ZDHHC7: variants seen among roughly 807,000 people sequenced by gnomAD.
ZDHHC7 encodes the protein palmitoyltransferase ZDHHC7.
In ZDHHC7, 12 loss-of-function variants were observed where a neutral mutation model predicts 34.1. The observed-to-expected ratio is 0.35, with a 90% CI of 0.23 to 0.57. The LOEUF (loss-of-function observed/expected upper bound fraction) is 0.57, where lower values mean the gene tolerates loss of function less well. Ranked by LOEUF, ZDHHC7 falls within the 20% of genes least tolerant of loss-of-function variation. The pLI is 0.84. For missense variants in ZDHHC7, 388 were observed against 402.7 expected (o/e 0.96, Z 0.31); for synonymous variants, 185 against 155.4 (o/e 1.19, Z -1.42).
intron 3 of ZDHHC7, among the ~76,000 whole-genome samples, chr16:84,982,490 G>C (rs2072383702): frequency 6.6e-6 from 1 of 152,196 alleles, no homozygotes; most frequent in East Asian, 1.9e-4. Flanking sequence ...GTCCCCAGGT[G>C]GGGCAGGGAA....
At chr16:85,019,578 G>A in the ZDHHC7 span, among the ~76,000 whole-genome samples, 2 of 152,112 alleles carry the variant, frequency 1.3e-5, no homozygotes, top group African/African-American at 4.8e-5. Context: ...ATAGCCGGGC[G>A]TGGTGGCAGG....
chr16:84,985,666 T>A (rs1329458107), intron 3 of ZDHHC7, among the ~76,000 whole-genome samples: 2 of 151,944 alleles, frequency 1.3e-5, no homozygotes, highest in African/African-American at 4.8e-5. Context: ...ATAAAAGAAT[T>A]GAGACAGGCC....
rs1172040962 is a variant in ZDHHC7 at position 84,974,525 on chromosome 16, G to C, written c.*1818C>G. 6.6e-6 allele frequency: 1 copy of C among 152,588 alleles called. No homozygotes were observed. The highest frequency in any genetic ancestry group is 1.9e-4 in the East Asian group (1 of 5,200). The allele number at this position is 152,588 out of a possible 1,614,324, so 9.5% of individuals were successfully genotyped here. A position where few individuals can be genotyped will look rare whatever the true frequency, so the allele number is the denominator to read the frequency against. ...TTACATTGAAAGAAGAGGTTGAAAA[G>C]TCAAGTATACTTGATTTGCACACAC... On this transcript the variant is annotated 3_prime_UTR_variant, in exon 8 of 8. Coordinates refer to ENST00000313732, the MANE Select transcript of ZDHHC7 (RefSeq NM_017740.3).
At chr16:84,995,126 T>C (rs1597551131) in intron 2 of ZDHHC7, among the ~76,000 whole-genome samples, 1 of 152,182 alleles carries the variant, frequency 6.6e-6, no homozygotes, top group African/African-American at 2.4e-5. Context: ...TCAAGACAGT[T>C]TCTGAGGGAA....
chr16:84,998,288 C>T (rs1206467338), intron 1 of ZDHHC7, among the ~76,000 whole-genome samples: 2 of 151,054 alleles, frequency 1.3e-5, no homozygotes, highest in African/African-American at 4.9e-5. Flanking sequence ...ATTAGAAGAT[C>T]GGGTCAGGAG....
intron 1 of ZDHHC7, among the ~76,000 whole-genome samples, chr16:85,000,333 AC>A (rs2072637774): frequency 6.6e-6 from 1 of 152,068 alleles, no homozygotes; most frequent in East Asian, 1.9e-4. Context: ...CTGAGTCCAG[AC>A]CCTGTCTTGG....
chr16:84,981,250 C>T (rs544103501), intron 4 of ZDHHC7, among the ~76,000 whole-genome samples: 1 of 152,106 alleles, frequency 6.6e-6, no homozygotes, highest in Non-Finnish European at 1.5e-5. Context: ...GTGTGAGGGC[C>T]AGGAAGGCTA....
intron 1 of ZDHHC7, among the ~76,000 whole-genome samples, chr16:85,006,504 AGGAGTTCAAGACCAGCCTGAGCAACAT>A (rs1221254972): frequency 1.1e-3 from 160 of 152,208 alleles, no homozygotes; most frequent in Non-Finnish European, 1.5e-4. Context: ...ATTTGATCTC[AGGAGTTCAAGACCAGCCTGAGCAACAT>A]GGAGTTCAAG....
intron 7 of ZDHHC7, among the ~76,000 whole-genome samples, chr16:84,976,763 C>G (rs1413984610): frequency 6.6e-6 from 1 of 152,236 alleles, no homozygotes; most frequent in Non-Finnish European, 1.5e-5. Flanking sequence ...ACATTTGTCG[C>G]TCGTTAGTTA....
the ZDHHC7 span, among the ~76,000 whole-genome samples, chr16:85,021,042 C>T: frequency 6.6e-6 from 1 of 151,632 alleles, no homozygotes; most frequent in African/African-American, 2.4e-5. Flanking sequence ...GAGGTCAAGG[C>T]TGCAGTAAGC....
At chr16:84,990,707 C>T (rs2072498921) in intron 2 of ZDHHC7, 72 bp from the exon 3 acceptor site, 1 of 1,312,970 alleles carries the variant, frequency 7.6e-7, no homozygotes, top group Non-Finnish European at 1.0e-6. Context: ...TGATGTGTTA[C>T]AGTTTGTCCT....
intron 4 of ZDHHC7, among the ~76,000 whole-genome samples, chr16:84,980,760 C>T (rs540996635): frequency 3.7e-4 from 56 of 152,290 alleles, no homozygotes; most frequent in South Asian, 1.5e-3. Flanking sequence ...AGTTGTGAGA[C>T]CATCACCATC....
chr16:85,015,294 T>C (rs1161229504), upstream of ZDHHC7, among the ~76,000 whole-genome samples: 1 of 151,558 alleles, frequency 6.6e-6, no homozygotes, highest in African/African-American at 2.4e-5. Context: ...AGAGACGAGG[T>C]TTCATCATGT....
rs2072292115 is a variant in ZDHHC7, at chr16:84,976,013, T to C, written c.*330A>G. 2 of 277,362 alleles carry C rather than the reference T, an allele frequency of 7.2e-6. No homozygotes were observed. Among genetic ancestry groups the C allele is most frequent in the Non-Finnish European group, 6.8e-6 (1 of 147,978 alleles). 17.2% of individuals were successfully genotyped at this position (277,362 alleles called of 1,614,324 possible). On this transcript the variant is annotated 3_prime_UTR_variant, in exon 8 of 8. Transcript: ENST00000313732. ...TCACTGGATTCACTGTTTTTCTTCA[T>C]GATTGGAAACAGCAGCTCAGGACCC...
chr16:85,010,835 G>A (rs748523613), intron 1 of ZDHHC7, among the ~76,000 whole-genome samples: 3 of 152,184 alleles, frequency 2.0e-5, no homozygotes, highest in African/African-American at 7.2e-5. Flanking sequence ...TAGGAAGATG[G>A]GCAGAGAATA....
At chr16:84,994,707 C>T (rs200242522) in intron 2 of ZDHHC7, among the ~76,000 whole-genome samples, 1 of 152,126 alleles carries the variant, frequency 6.6e-6, no homozygotes, top group East Asian at 1.9e-4. Flanking sequence ...AAACACTGGC[C>T]ATGGCAGGAC....
chr16:85,003,343 G>C (rs976745084), intron 1 of ZDHHC7, among the ~76,000 whole-genome samples: 3 of 152,222 alleles, frequency 2.0e-5, no homozygotes, highest in African/African-American at 7.2e-5. Flanking sequence ...GCCCGGATGA[G>C]TCAGGGAACC....
At chr16:84,990,996 C>G (rs1374873710) in intron 2 of ZDHHC7, among the ~76,000 whole-genome samples, 2 of 152,192 alleles carry the variant, frequency 1.3e-5, no homozygotes, top group East Asian at 3.9e-4. Flanking sequence ...CGCCTGCTCC[C>G]CTGAGCCCCA....
intron 1 of ZDHHC7, among the ~76,000 whole-genome samples, chr16:85,008,751 GAA>G (rs34299642): frequency 6.8e-5 from 10 of 146,974 alleles, no homozygotes; most frequent in African/African-American, 1.0e-4. Context: ...AGGGTTTGAA[GAA>G]AAAAAAAAAG....
Sources: allele counts gnomAD v4.1 joint callset (sites outside exome capture counted in the v4.1 genomes callset), GRCh38; gene constraint gnomAD v4.1.1; transcripts MANE v1.5; gene names NCBI Gene and HGNC (gene_info 2026-07-23, HGNC 2026-07-21).